The following PRKDC variants were observed in gnomAD, a reference collection of about 807,000 sequenced individuals.
PRKDC encodes the protein DNA-dependent protein kinase catalytic subunit.
Under a neutral mutation model 486.9 loss-of-function variants are expected in PRKDC, and 82 were observed. The ratio of observed to expected loss-of-function variants is 0.17; its 90% CI spans 0.14 to 0.20. The LOEUF is 0.20. Ranked by LOEUF, PRKDC falls within the 10% of genes least tolerant of loss-of-function variation. PRKDC has a pLI of 1.00. For missense variants in PRKDC, 4,504 were observed against 5,038.2 expected (o/e 0.89, Z 3.21); for synonymous variants, 1,895 against 1,837.0 (o/e 1.03, Z -0.81).
chr8:47,874,311 T>C (rs1317698631), intron 40 of PRKDC, among the ~76,000 whole-genome samples: 3 of 152,144 alleles, frequency 2.0e-5, no homozygotes, highest in Non-Finnish European at 4.4e-5. Context: ...AAAGAAGGGA[T>C]AAATGAGGTG....
At chr8:47,890,879 G>T (rs567955866) in intron 31 of PRKDC, among the ~76,000 whole-genome samples, 1 of 152,282 alleles carries the variant, frequency 6.6e-6, no homozygotes, top group Admixed American at 6.5e-5. Context: ...AGATGTGGTT[G>T]TAAGAATCTT....
intron 24 of PRKDC, 140 bp from the exon 25 acceptor site, chr8:47,912,702 T>C: frequency 1.4e-6 from 1 of 692,326 alleles, no homozygotes; most frequent in South Asian, 3.9e-5. Flanking sequence ...ATAAATTAAC[T>C]GGAATTAACA....
chr8:47,960,110 G>A lies in PRKDC; in HGVS notation c.17C>T (p.Ala6Val), dbSNP rs754453280. The change falls in exon 1 of 86, where the codon GCC becomes GTC. Residue 6 changes from alanine to valine, a missense_variant. Ala to Val is a moderately conservative substitution (Grantham distance 64). This residue lies in a region of PRKDC where 145 missense variants were observed against 136.3 expected (regional missense o/e 1.06). Transcript: ENST00000314191. ...CCGCAGCAGGGAGCAACGCACACCG[G>A]CTCCGGAGCCCGCCATGCCGCCGAG... The part of the protein sequence containing the change: MAGSG[A>V]GVRCSLLRLQ... The A allele has an allele frequency of 8.0e-6, 12 of 1,506,976 alleles. No homozygotes were observed. The highest frequency in any genetic ancestry group is 6.1e-5 in the Admixed American group (3 of 49,324). The allele number at this position is 1,506,976 out of a possible 1,614,324, so 93.4% of individuals were successfully genotyped here.
chr8:47,809,094 G>C (rs1328070861), intron 68 of PRKDC, among the ~76,000 whole-genome samples: 1 of 149,766 alleles, frequency 6.7e-6, no homozygotes, highest in Non-Finnish European at 1.5e-5. Context: ...AAAGGAGAGG[G>C]GAGGGGAGTG....
chr8:47,834,688 T>TC (rs200642161), intron 58 of PRKDC, among the ~76,000 whole-genome samples: 22 of 138,294 alleles, frequency 1.6e-4, no homozygotes, highest in Admixed American at 4.3e-4. Flanking sequence ...ACCCCTGACT[T>TC]TTTTTTTTTT....
intron 68 of PRKDC, among the ~76,000 whole-genome samples, chr8:47,807,866 C>G (rs1281757682): frequency 2.0e-5 from 3 of 152,112 alleles, no homozygotes; most frequent in Non-Finnish European, 2.9e-5. Context: ...CAGGCGTGCA[C>G]TACCACACCC....
At chr8:47,931,852 T>C (rs1274814406) in intron 16 of PRKDC, among the ~76,000 whole-genome samples, 1 of 152,202 alleles carries the variant, frequency 6.6e-6, no homozygotes, top group Non-Finnish European at 1.5e-5. Flanking sequence ...CACCAATGCC[T>C]CGGACCAGAG....
chr8:47,922,082 G>C (rs939241571), intron 21 of PRKDC, among the ~76,000 whole-genome samples: 3 of 151,642 alleles, frequency 2.0e-5, no homozygotes, highest in African/African-American at 4.9e-5. Flanking sequence ...CACCCAGCCT[G>C]ATTTTTCATT....
chr8:47,852,454 G>A (rs542846252), intron 52 of PRKDC, among the ~76,000 whole-genome samples: 2 of 152,168 alleles, frequency 1.3e-5, no homozygotes, highest in African/African-American at 2.4e-5. Flanking sequence ...ATCTCTCCAC[G>A]TTCACCAAGT....
At position 47,881,463 on chromosome 8, in the gene PRKDC, T is replaced by C; in HGVS notation, c.5020A>G (p.Thr1674Ala). 1.3e-6 allele frequency: 2 copies of C among 1,577,746 alleles called. No individual in the cohort carries two copies. The highest frequency in any genetic ancestry group is 4.5e-5 in the East Asian group (2 of 44,566). The change falls in exon 38 of 86, where the codon ACA becomes GCA. Residue 1674 changes from threonine to alanine, a missense_variant. Coordinates refer to ENST00000314191, the MANE Select transcript of PRKDC (RefSeq NM_006904.7). Reference sequence around the variant, plus strand: ...GTGTCAGCAAGTAGACTAATATATGTTGTAAAGACTTCAGGGAATGAACCA... The same window carrying C: ...GTGTCAGCAAGTAGACTAATATATGCTGTAAAGACTTCAGGGAATGAACCA... Reference protein sequence around the residue: ...SHGSFPEVFTTYISLLADTKL... With the variant: ...SHGSFPEVFTAYISLLADTKL...
At chr8:47,862,609 C>T (rs1408051986) in intron 42 of PRKDC, 68 bp from the exon 43 acceptor site, 2 of 1,449,662 alleles carry the variant, frequency 1.4e-6, no homozygotes, top group African/African-American at 1.4e-5. Flanking sequence ...CCCAACAATG[C>T]CAGACAACAG....
chr8:47,951,471 C>A (rs1200727784), intron 7 of PRKDC, among the ~76,000 whole-genome samples: 1 of 152,036 alleles, frequency 6.6e-6, no homozygotes, highest in Non-Finnish European at 1.5e-5. Flanking sequence ...CACCTGCAAC[C>A]CTAGTACTCT....
chr8:47,843,118 C>A (rs762872477), intron 54 of PRKDC, among the ~76,000 whole-genome samples: 2 of 152,104 alleles, frequency 1.3e-5, no homozygotes, highest in African/African-American at 4.8e-5. Context: ...CAGTAAGTCA[C>A]GGCCACAACC....
chr8:47,876,544 C>G (rs1339980401), intron 40 of PRKDC, among the ~76,000 whole-genome samples: 2 of 151,882 alleles, frequency 1.3e-5, no homozygotes, highest in Non-Finnish European at 2.9e-5. Context: ...GCCTGTAATC[C>G]CAGCTACTCG....
chr8:47,872,441 T>C (rs1411141221), intron 40 of PRKDC, among the ~76,000 whole-genome samples: 1 of 147,578 alleles, frequency 6.8e-6, no homozygotes, highest in Non-Finnish European at 1.5e-5. Flanking sequence ...ACAACAACAT[T>C]GAATGTAAAT....
At chr8:47,920,061 C>T (rs1047454829) in intron 21 of PRKDC, among the ~76,000 whole-genome samples, 2 of 152,156 alleles carry the variant, frequency 1.3e-5, no homozygotes, top group African/African-American at 4.8e-5. Context: ...CAGAGCCCAT[C>T]CCTTTGTTTC....
At chr8:47,904,740 C>G (rs2154502443) in intron 26 of PRKDC, 129 bp downstream of exon 26, 1 of 657,262 alleles carries the variant, frequency 1.5e-6, no homozygotes, top group East Asian at 3.0e-5. Flanking sequence ...TTGCAGTGAG[C>G]CAAGATCGTG....
rs752546678 is a variant in PRKDC at position 47,794,341 on chromosome 8, T to G, written c.10619A>C (p.Tyr3540Ser). 1 of 1,613,730 alleles carries G rather than the reference T, an allele frequency of 6.2e-7. No individual in the cohort carries two copies. Among genetic ancestry groups the G allele is most frequent in the Admixed American group, 1.7e-5 (1 of 59,970 alleles). ...ACCAGTAGAAGTATCCTTGAAGGAATAGCTTTCGCTGCTTATGATGAAGGG... is the reference window on the plus strand; with the variant it reads ...ACCAGTAGAAGTATCCTTGAAGGAAGAGCTTTCGCTGCTTATGATGAAGGG... ...VYPFIISSES[Y>S]SFKDTSTGHK... Residue 3540 changes from tyrosine to serine, a missense_variant, in exon 74 of 86, where the codon TAT becomes TCT. Coordinates refer to ENST00000314191, the MANE Select transcript of PRKDC (RefSeq NM_006904.7).
At position 47,902,745 on chromosome 8, in the gene PRKDC, C is replaced by T. The variant is rs1368438374; in HGVS notation, c.3093G>A (p.Arg1031=). The part of the protein sequence containing the change: ...VDSTLRDFCG[R]CIREFLKWSI... ...ACCATTTAAGGAATTCTCGAATACA[C>T]CGACCACAAAAATCTCTTAAAGTAC... Residue 1031 remains arginine (R), a synonymous_variant, in exon 27 of 86, where the codon CGG becomes CGA. Transcript: ENST00000314191. 3.1e-6 allele frequency: 5 copies of T among 1,613,532 alleles called. No homozygotes were observed. The highest frequency in any genetic ancestry group is 4.2e-6 in the Non-Finnish European group (5 of 1,179,758).
Sources: allele counts gnomAD v4.1 joint callset (sites outside exome capture counted in the v4.1 genomes callset), GRCh38; gene constraint gnomAD v4.1.1; regional missense constraint gnomAD v4.1.1; transcripts MANE v1.5; gene names NCBI Gene and HGNC (gene_info 2026-07-23, HGNC 2026-07-21).